SCMH1: variants seen among roughly 807,000 people sequenced by gnomAD.
The protein encoded by SCMH1 is polycomb protein SCMH1.
In SCMH1, 37 loss-of-function variants were observed where a neutral mutation model predicts 70.8. That is an observed-to-expected ratio of 0.52 (90% confidence interval 0.40 to 0.69). The LOEUF is 0.69. SCMH1 is among the 30% of genes least tolerant of loss of function. The probability of loss-of-function intolerance (pLI) is 0.00; values close to 1 mark genes in which losing one functional copy is unlikely to be tolerated. For missense variants in SCMH1, 607 were observed against 827.3 expected (o/e 0.73, Z 3.27); for synonymous variants, 292 against 307.4 (o/e 0.95, Z 0.52).
chr1:41,164,084 C>T (rs1572756106), intron 2 of SCMH1, among the ~76,000 whole-genome samples: 1 of 152,156 alleles, frequency 6.6e-6, no homozygotes, highest in Admixed American at 6.5e-5. Context: ...CCAGCTCAGA[C>T]TCCATGGTCC....
intron 13 of SCMH1, 152 bp from the exon 14 acceptor site, chr1:41,034,200 T>A: frequency 1.3e-6 from 1 of 773,802 alleles, no homozygotes; most frequent in Non-Finnish European, 1.7e-6. Flanking sequence ...CCTCTCTACT[T>A]GAGAGCCCTT....
rs1266184012 is a variant in SCMH1, at chr1:41,113,256, T to G, written c.745+27A>C. On this transcript the variant is annotated intron_variant, in intron 8 of 14. Transcript: ENST00000337495. This position sits in a 1 kb window ranked among gnomAD's most constrained non-coding sequence, Gnocchi z 4.3. ...TCTCCCTTATCATCTGGGTCCTGAT[T>G]TCAAGAGCACGTAGATGGGCCTTTA... The G allele has an allele frequency of 5.0e-6, 8 of 1,605,620 alleles. No homozygotes were observed. The highest frequency in any genetic ancestry group is 5.9e-6 in the Non-Finnish European group (7 of 1,176,474).
At chr1:41,170,268 T>A (rs1025264247) in intron 2 of SCMH1, among the ~76,000 whole-genome samples, 2 of 152,206 alleles carry the variant, frequency 1.3e-5, no homozygotes, top group African/African-American at 2.4e-5. Flanking sequence ...ATGCTATATG[T>A]GGGGTTAAAA....
In SCMH1 at chr1:41,082,973, C is replaced by T. The variant is rs572595658; in HGVS notation, c.746-7522G>A. ...TAAATTAGGTATTGATGGGACATATCTCAAAATAGTAAGAGCTATCTATGA... is the reference window on the plus strand; with the variant it reads ...TAAATTAGGTATTGATGGGACATATTTCAAAATAGTAAGAGCTATCTATGA... On this transcript the variant is annotated intron_variant, in intron 8 of 14. Transcript: ENST00000337495. Among the ~76,000 whole-genome samples the T allele has an allele frequency of 3.3e-5, 5 of 152,278 alleles. No individual in the cohort carries two copies. In the South Asian group the frequency reaches 1.0e-3, roughly 32 times the overall value.
chr1:41,071,005 C>T (rs1353236711), intron 9 of SCMH1, among the ~76,000 whole-genome samples: 2 of 151,928 alleles, frequency 1.3e-5, no homozygotes, highest in Non-Finnish European at 2.9e-5. Context: ...AGTTTCAGAT[C>T]CCTTATTAGT....
intron 2 of SCMH1, among the ~76,000 whole-genome samples, chr1:41,169,276 A>C (rs1416610157): frequency 6.6e-6 from 1 of 152,172 alleles, no homozygotes; most frequent in African/African-American, 2.4e-5. Flanking sequence ...GATTAGCTAG[A>C]GGGCTACTGT....
At chr1:41,067,756 C>G (rs576017008) in intron 10 of SCMH1, among the ~76,000 whole-genome samples, 11 of 152,104 alleles carry the variant, frequency 7.2e-5, no homozygotes, top group Non-Finnish European at 1.6e-4. Context: ...TCAAAACCCA[C>G]AGAACGTAAA....
intron 1 of SCMH1, among the ~76,000 whole-genome samples, chr1:41,187,828 T>A (rs74808133): frequency 2.1e-4 from 30 of 142,272 alleles, no homozygotes; most frequent in African/African-American, 6.7e-4. Flanking sequence ...AAAAAAAAAA[T>A]ATAAAAATTA....
intron 13 of SCMH1, among the ~76,000 whole-genome samples, chr1:41,031,331 G>A (rs980044662): frequency 1.3e-4 from 20 of 149,240 alleles, no homozygotes; most frequent in African/African-American, 4.2e-4. Flanking sequence ...CTCCCCCACC[G>A]CCACCACACA....
intron 8 of SCMH1, among the ~76,000 whole-genome samples, chr1:41,107,653 G>A (rs914502364): frequency 1.3e-5 from 2 of 152,104 alleles, no homozygotes; most frequent in Admixed American, 1.3e-4. Flanking sequence ...CCGAGTAGCT[G>A]GGACTACAGG....
chr1:41,197,723 GCATCAGTGTTTGAAAGCCT>G (rs1653371810), intron 1 of SCMH1, among the ~76,000 whole-genome samples: 1 of 152,058 alleles, frequency 6.6e-6, no homozygotes, highest in South Asian at 2.1e-4. Context: ...AGGTGGATGT[GCATCAGTGTTTGAAAGCCT>G]CATTCAACTG....
chr1:41,179,869 C>A (rs1177792850), intron 2 of SCMH1, among the ~76,000 whole-genome samples: 1 of 152,246 alleles, frequency 6.6e-6, no homozygotes, highest in Non-Finnish European at 1.5e-5. Flanking sequence ...TTTTATGAGG[C>A]CAGCATCATC....
At chr1:41,037,474 A>G (rs1376470581) in exon 13 of SCMH1, 1 of 1,614,254 alleles carries the variant, frequency 6.2e-7, no homozygotes, top group Admixed American at 1.7e-5. Flanking sequence ...GATTTGAGGC[A>G]GAGTCCATTG....
At chr1:41,234,306 C>T (rs980624266) in intron 1 of SCMH1, among the ~76,000 whole-genome samples, 1 of 152,018 alleles carries the variant, frequency 6.6e-6, no homozygotes, top group Non-Finnish European at 1.5e-5. Context: ...CACATACAAT[C>T]ATTCCCAATT....
At chr1:41,084,823 T>C (rs1261572105) in intron 8 of SCMH1, among the ~76,000 whole-genome samples, 3 of 152,046 alleles carry the variant, frequency 2.0e-5, no homozygotes, top group Non-Finnish European at 2.9e-5. Context: ...TCATATCCTT[T>C]GTAGGGACAT....
chr1:41,141,927 T>C (rs1644121356), intron 6 of SCMH1, among the ~76,000 whole-genome samples: 1 of 152,342 alleles, frequency 6.6e-6, no homozygotes, highest in Non-Finnish European at 1.5e-5. Flanking sequence ...TGTATGGTTA[T>C]GTTTAAGACA....
At chr1:41,089,150 C>G (rs181494721) in intron 8 of SCMH1, among the ~76,000 whole-genome samples, 36 of 152,332 alleles carry the variant, frequency 2.4e-4, no homozygotes, top group Admixed American at 4.6e-4. Flanking sequence ...AGCCTCATGG[C>G]TTTAAATTCT....
chr1:41,136,660 T>C (rs200002050), intron 6 of SCMH1, among the ~76,000 whole-genome samples: 3 of 151,980 alleles, frequency 2.0e-5, no homozygotes, highest in Non-Finnish European at 4.4e-5. Context: ...GTGTGAGCCA[T>C]TGTGCCCGGC....
Position 41,130,308 on chromosome 1 carries a change from A to AT in SCMH1, c.412+12569dup, listed in dbSNP as rs1257517152. ...CCCTTATCAGATATATGTTTTGTGA[A>AT]TTTTTTTTCTAATTCTGTGGGCTGC... On this transcript the variant is annotated intron_variant, in intron 6 of 14. Transcript: ENST00000337495. 3.3e-5 allele frequency among the ~76,000 whole-genome samples: 5 copies of AT among 151,894 alleles called. No individual in the cohort carries two copies. The South Asian group carries it at 6.2e-4, about 19-fold the overall frequency.
Sources: gnomAD v4.1 joint callset for allele counts (sites outside exome capture counted in the v4.1 genomes callset) on GRCh38, gnomAD v4.1.1 for gene constraint, Gnocchi (gnomAD v3.1) non-coding constraint, MANE v1.5 for transcripts, NCBI Gene and HGNC (gene_info 2026-07-23, HGNC 2026-07-21) for gene names.